CEP162: variants seen among roughly 807,000 people sequenced by gnomAD.
CEP162 encodes centrosomal protein 162.
CEP162 carries 141 observed loss-of-function variants against 169.2 expected under a neutral mutation model. That is an observed-to-expected ratio of 0.83 (90% CI 0.73 to 0.96). The LOEUF is 0.96. Ranked by LOEUF, CEP162 falls within the 40% of genes least tolerant of loss-of-function variation. The probability of loss-of-function intolerance (pLI) is 0.00; values close to 1 mark genes in which losing one functional copy is unlikely to be tolerated. For missense variants in CEP162, 1,600 were observed against 1,587.2 expected, an observed-to-expected ratio of 1.01 and a Z score of -0.14; for synonymous variants, 540 against 526.4, an observed-to-expected ratio of 1.03 and a Z score of -0.35.
At chr6:84,170,595 T>G (rs941103647) in intron 17 of CEP162, among the ~76,000 whole-genome samples, 1 of 151,882 alleles carries the variant, frequency 6.6e-6, no homozygotes, top group African/African-American at 2.4e-5. Context: ...CTAGGTTATA[T>G]AACCAAAAAG....
rs140918965 is a variant in CEP162, at chr6:84,147,578, A to G, written c.3772-793T>C. Among the ~76,000 whole-genome samples, 962 of 152,300 alleles carry G rather than the reference A, an allele frequency of 6.3e-3. 5 individuals carry two copies. Among genetic ancestry groups the G allele is most frequent in the African/African-American group, 0.022 (918 of 41,564 alleles). ...TGATTATTACACATTCTTTGCATGT[A>G]GCAAACACTCACATGTATCCTATAA... On this transcript the variant is annotated intron_variant, in intron 24 of 26. Coordinates refer to ENST00000403245, the MANE Select transcript of CEP162 (RefSeq NM_014895.4).
chr6:84,182,826 C>G (rs149249263), intron 13 of CEP162, among the ~76,000 whole-genome samples: 4 of 152,192 alleles, frequency 2.6e-5, no homozygotes, highest in Middle Eastern at 3.4e-3. Context: ...AGAAAAGATG[C>G]CTTTAATTTG....
intron 11 of CEP162, among the ~76,000 whole-genome samples, chr6:84,190,013 C>T (rs1052864174): frequency 6.6e-6 from 1 of 151,646 alleles, no homozygotes; most frequent in Non-Finnish European, 1.5e-5. Context: ...ATATACCAAT[C>T]AGCACCCTGT....
At chr6:84,227,355 T>G (rs981038803) in intron 1 of CEP162, among the ~76,000 whole-genome samples, 1 of 152,156 alleles carries the variant, frequency 6.6e-6, no homozygotes, top group African/African-American at 2.4e-5. Flanking sequence ...CCTGAATAGC[T>G]TGGTCAGGGG....
At chr6:84,148,453 TG>T (rs1202812026) in intron 24 of CEP162, among the ~76,000 whole-genome samples, 1 of 152,064 alleles carries the variant, frequency 6.6e-6, no homozygotes, top group Non-Finnish European at 1.5e-5. Flanking sequence ...CGCTTGAACC[TG>T]GGAGGCAGAG....
rs763466252 is a variant in CEP162, at chr6:84,155,313, C to T, written c.2979G>A (p.Gln993=). 1.5e-5 allele frequency: 24 copies of T among 1,613,130 alleles called. No homozygotes were observed. The East Asian group carries it at 4.5e-4, about 30-fold the overall frequency. Residue 993 remains glutamine, a synonymous_variant, in exon 22 of 27, where the codon CAG becomes CAA. Transcript: ENST00000403245. ...TACCACTTACCTTCATTTTCTGAAA[C>T]TGTTGTTCCATGGTACGAAGGCTTT... ...AKKSLRTMEQ[Q]FQKMKIQYEQ...
At chr6:84,195,139 C>CT in intron 9 of CEP162, 64 bp from the exon 10 acceptor site, 1 of 1,253,006 alleles carries the variant, frequency 8.0e-7, no homozygotes, top group South Asian at 1.5e-5. Context: ...CGATAAAACA[C>CT]TAATATCATT....
At position 84,161,729 on chromosome 6, in the gene CEP162, TC is replaced by T; in HGVS notation, c.2676+16del. The T allele has an allele frequency of 6.5e-7, 1 of 1,546,654 alleles. No individual in the cohort carries two copies. Among genetic ancestry groups the T allele is most frequent in the South Asian group, 1.2e-5 (1 of 82,852 alleles). ...GGATTCATCTAGAGAAGAAATACATTCTGAAATATCTATTACCTCAAGTTTG... is the reference window on the plus strand; with the variant it reads ...GGATTCATCTAGAGAAGAAATACATTTGAAATATCTATTACCTCAAGTTTG... On this transcript the variant is annotated intron_variant, in intron 20 of 26. Transcript: ENST00000403245.
chr6:84,223,537 AAAT>A (rs895578483), intron 2 of CEP162, among the ~76,000 whole-genome samples: 6 of 151,338 alleles, frequency 4.0e-5, no homozygotes, highest in African/African-American at 1.4e-4. Context: ...ATAAAAATAA[AAAT>A]AAAATAAATA....
At chr6:84,185,099 A>G in intron 13 of CEP162, 88 bp downstream of exon 13, 1 of 1,215,662 alleles carries the variant, frequency 8.2e-7, no homozygotes, top group South Asian at 1.5e-5. Flanking sequence ...TGCAAATTGA[A>G]TCTTACAAAT....
rs2099531267 is a variant in CEP162 at position 84,174,061 on chromosome 6, T to C, written c.2153A>G (p.Gln718Arg). 4 of 1,612,392 alleles carry C rather than the reference T, an allele frequency of 2.5e-6. No individual in the cohort carries two copies. The East Asian group carries it at 8.9e-5, about 36-fold the overall frequency. Residue 718 changes from glutamine to arginine, a missense_variant, in exon 16 of 27, where the codon CAA becomes CGA. Gln to Arg is a conservative substitution (Grantham distance 43, BLOSUM62 1). Coordinates refer to ENST00000403245, the MANE Select transcript of CEP162 (RefSeq NM_014895.4). ...KEIQEQETLL[Q>R]GYQQENERLY... ...GAATTGCCATACCTGTTGATATCCTTGAAGAAGTGTCTCTTGTTCTTGTAT... is the reference window on the plus strand; with the variant it reads ...GAATTGCCATACCTGTTGATATCCTCGAAGAAGTGTCTCTTGTTCTTGTAT...
At chr6:84,208,178 A>G (rs1437360385) in intron 6 of CEP162, among the ~76,000 whole-genome samples, 1 of 152,126 alleles carries the variant, frequency 6.6e-6, no homozygotes, top group Non-Finnish European at 1.5e-5. Context: ...CCTCCAAATT[A>G]TATCTCAATG....
At chr6:84,132,566 T>C (rs1230740163) in intron 25 of CEP162, among the ~76,000 whole-genome samples, 2 of 152,180 alleles carry the variant, frequency 1.3e-5, no homozygotes, top group Non-Finnish European at 2.9e-5. Flanking sequence ...TTCTCTAAAC[T>C]TCTCTTCTCA....
intron 14 of CEP162, 39 bp downstream of exon 14, chr6:84,175,175 G>A (rs1193482123): frequency 3.0e-6 from 4 of 1,318,236 alleles, no homozygotes; most frequent in Admixed American, 5.4e-5. Context: ...TATAATTTTA[G>A]AACATAAAAC....
chr6:84,151,914 A>G (rs2099521265), intron 23 of CEP162, among the ~76,000 whole-genome samples: 1 of 152,138 alleles, frequency 6.6e-6, no homozygotes. Flanking sequence ...AGAGGAAGTG[A>G]GATAGAAATA....
rs184069688 is a variant in CEP162, at chr6:84,160,609, C to T, written c.2781+203G>A. Among the ~76,000 whole-genome samples, 6 of 152,220 alleles carry T rather than the reference C, an allele frequency of 3.9e-5. 1 individual carries two copies. The highest frequency in any genetic ancestry group is 3.3e-4 in the Admixed American group (5 of 15,274). On this transcript the variant is annotated intron_variant, in intron 21 of 26. Transcript: ENST00000403245. Reference sequence around the variant, plus strand: ...CTTTATCAACAGGTCTACCATCTTACGAATGAGGCACATTAGTCTAAAAAT... The same window carrying T: ...CTTTATCAACAGGTCTACCATCTTATGAATGAGGCACATTAGTCTAAAAAT...
chr6:84,205,060 T>G (rs1726054859), intron 6 of CEP162, among the ~76,000 whole-genome samples: 1 of 152,000 alleles, frequency 6.6e-6, no homozygotes, highest in African/African-American at 2.4e-5. Context: ...AATAACAGGA[T>G]CTGAAATTGA....
intron 25 of CEP162, among the ~76,000 whole-genome samples, chr6:84,138,737 AC>A (rs1382051293): frequency 6.6e-6 from 1 of 152,170 alleles, no homozygotes; most frequent in East Asian, 1.9e-4. Flanking sequence ...GTTAACTAAA[AC>A]TGACTTCATT....
chr6:84,174,746 T>C lies in CEP162; in HGVS notation c.2006A>G (p.Asn669Ser), dbSNP rs756319986. Residue 669 changes from asparagine to serine, a missense_variant, in exon 15 of 27, where the codon AAT (asparagine) becomes AGT (serine). By Grantham distance (46) the Asn-to-Ser change is conservative. Coordinates refer to ENST00000403245, the MANE Select transcript of CEP162 (RefSeq NM_014895.4). ...EKELFKLNQD[N>S]YILQAKLSSF... ...TAGTACCTTGGCTTGAAGAATATAA[T>C]TATCTTGATTCAATTTGAAGAGTTC... is the stretch of plus-strand genomic sequence containing the variant. 105 of 1,417,652 alleles carry C rather than the reference T, an allele frequency of 7.4e-5. 1 individual carries two copies. In the Middle Eastern group the frequency reaches 1.9e-3, roughly 25 times the overall value. The allele number at this position is 1,417,652 out of a possible 1,614,324, so 87.8% of individuals were successfully genotyped here.
Sources: gnomAD v4.1 joint callset for allele counts (sites outside exome capture counted in the v4.1 genomes callset) on GRCh38, gnomAD v4.1.1 for gene constraint, MANE v1.5 for transcripts, NCBI Gene and HGNC (gene_info 2026-07-23, HGNC 2026-07-21) for gene names.